The following ZBTB46 variants were observed in gnomAD, a reference collection of about 807,000 sequenced individuals.
ZBTB46 encodes the protein zinc finger and BTB domain-containing protein 46.
Under a neutral mutation model 44.1 loss-of-function variants are expected in ZBTB46, and 8 were observed. The observed-to-expected ratio is 0.18, with a 90% CI of 0.11 to 0.33. The LOEUF is 0.33. Among genes scored for constraint, ZBTB46 ranks in the 10% least tolerant of loss-of-function variants. ZBTB46 has a pLI of 1.00. For synonymous variants in ZBTB46, 409 were observed against 382.3 expected, an observed-to-expected ratio of 1.07 and a Z score of -0.81; for missense variants, 651 against 847.7, an observed-to-expected ratio of 0.77 and a Z score of 2.88.
At chr20:63,812,426 G>A (rs6062536) in intron 1 of ZBTB46, among the ~76,000 whole-genome samples, 34,740 of 150,816 alleles carry the variant, frequency 0.23, 4,078 homozygotes, top group Middle Eastern at 0.33. Flanking sequence ...GGCGAATCAC[G>A]AGGTCAGGAG....
At chr20:63,827,524 C>A (rs1055352039) in intron 1 of ZBTB46, among the ~76,000 whole-genome samples, 2 of 150,138 alleles carry the variant, frequency 1.3e-5, no homozygotes, top group African/African-American at 4.9e-5. Flanking sequence ...AGGAGAATGG[C>A]GTGAACCCGG....
chr20:63,756,557 A>G (rs1445609362), intron 3 of ZBTB46, among the ~76,000 whole-genome samples: 1 of 152,242 alleles, frequency 6.6e-6, no homozygotes, highest in Non-Finnish European at 1.5e-5. Context: ...ATCTGTCCAG[A>G]TTATTTTCAA....
Position 63,775,691 on chromosome 20 carries a change from G to A in ZBTB46, c.1209C>T (p.Ala403=), listed in dbSNP as rs747024289. Residue 403 remains alanine, a synonymous_variant, in exon 3 of 5, where the codon GCC becomes GCT. Transcript: ENST00000245663. ...SLLFEYLPRG[A]HSLSLNEFTV... is the part of the protein sequence containing the mutation. ...GCCTGCACTTACGGGACAGCGAGTGGGCCCCTCTGGGCAGGTACTCGAACA... is the reference window on the plus strand; with the variant it reads ...GCCTGCACTTACGGGACAGCGAGTGAGCCCCTCTGGGCAGGTACTCGAACA... 2.5e-6 allele frequency: 4 copies of A among 1,577,736 alleles called. No homozygotes were observed. Among genetic ancestry groups the A allele is most frequent in the Admixed American group, 3.6e-5 (2 of 55,686 alleles).
At chr20:63,795,963 G>A (rs1308513725) in intron 1 of ZBTB46, among the ~76,000 whole-genome samples, 3 of 152,158 alleles carry the variant, frequency 2.0e-5, no homozygotes, top group Non-Finnish European at 2.9e-5. Flanking sequence ...GTAAACAGGC[G>A]CGCTGCTGTT....
Position 63,803,794 on chromosome 20 carries a change from A to G in ZBTB46, c.-33-13004T>C, listed in dbSNP as rs928402082. ...GCAATCTCGGCTCACTGCAGCCTCA[A>G]CCTCCCAGGCTCAAGGCATCCTCCC... On this transcript the variant is annotated intron_variant, in intron 1 of 4. Coordinates refer to ENST00000245663, the MANE Select transcript of ZBTB46 (RefSeq NM_001369741.1). This position sits in a 1 kb window ranked among gnomAD's most constrained non-coding sequence, Gnocchi z 4.0. 1.2e-4 allele frequency among the ~76,000 whole-genome samples: 18 copies of G among 152,038 alleles called. 1 individual carries two copies. The South Asian group carries it at 1.7e-3, about 14-fold the overall frequency.
chr20:63,820,016 A>T (rs1040133258), intron 1 of ZBTB46, among the ~76,000 whole-genome samples: 1 of 152,252 alleles, frequency 6.6e-6, no homozygotes, highest in Non-Finnish European at 1.5e-5. Flanking sequence ...AGGCAAAAAC[A>T]TGCAAACTCC....
intron 1 of ZBTB46, among the ~76,000 whole-genome samples, chr20:63,792,164 C>T (rs2092566368): frequency 6.6e-6 from 1 of 152,180 alleles, no homozygotes; most frequent in African/African-American, 2.4e-5. Flanking sequence ...GACCCTGTTT[C>T]CAATAAGGTC....
At chr20:63,817,577 G>A (rs180726468) in intron 1 of ZBTB46, among the ~76,000 whole-genome samples, 15 of 151,404 alleles carry the variant, frequency 9.9e-5, no homozygotes, top group East Asian at 3.9e-4. Context: ...TTAGTCAGGC[G>A]TGGTGGCACA....
chr20:63,769,614 A>G (rs942112503), intron 3 of ZBTB46, among the ~76,000 whole-genome samples: 1 of 152,150 alleles, frequency 6.6e-6, no homozygotes, highest in African/African-American at 2.4e-5. Flanking sequence ...CCTAGGAGCC[A>G]AGTGATTCCA....
chr20:63,793,058 C>T (rs561951457), intron 1 of ZBTB46, among the ~76,000 whole-genome samples: 95 of 152,252 alleles, frequency 6.2e-4, no homozygotes, highest in African/African-American at 2.0e-3. Context: ...AGGGCTGTGA[C>T]GGCGGTGACC....
In ZBTB46 at chr20:63,790,299, G is replaced by A; in HGVS notation, c.459C>T (p.Ser153=). 6.2e-7 allele frequency: 1 copy of A among 1,612,794 alleles called. No individual in the cohort carries two copies. The highest frequency in any genetic ancestry group is 1.1e-5 in the South Asian group (1 of 90,986). ...TCACGGCCGAGATGAGAGCTTCCGT[G>A]CTGCTGCTGGACGAGGCGCCGATCT... ...EFEIGASSSS[S]TEALISAVMA... Residue 153 remains serine, a synonymous_variant, in exon 2 of 5, where the codon AGC becomes AGT. Transcript: ENST00000245663.
intron 1 of ZBTB46, among the ~76,000 whole-genome samples, chr20:63,823,477 G>A (rs114716920): frequency 0.019 from 2,812 of 151,714 alleles, 79 homozygotes; most frequent in African/African-American, 0.065. Context: ...CAGCCTTAGC[G>A]ACAGAGTGAG....
chr20:63,814,208 G>A (rs1455495530), intron 1 of ZBTB46, among the ~76,000 whole-genome samples: 4 of 148,948 alleles, frequency 2.7e-5, no homozygotes, highest in African/African-American at 9.9e-5. Flanking sequence ...ACTCCAGCCT[G>A]GGCAACAAAG....
At chr20:63,754,861 A>G (rs2145777412) in intron 3 of ZBTB46, among the ~76,000 whole-genome samples, 1 of 151,746 alleles carries the variant, frequency 6.6e-6, no homozygotes, top group East Asian at 2.0e-4. Flanking sequence ...GGCCTCTCAA[A>G]GTTATGGGAT....
At chr20:63,821,184 C>CTTTT (rs536486903) in intron 1 of ZBTB46, among the ~76,000 whole-genome samples, 49 of 140,040 alleles carry the variant, frequency 3.5e-4, no homozygotes, top group Middle Eastern at 7.6e-3. Context: ...TGCGCCCGGC[C>CTTTT]TTTTTTTTTT....
At chr20:63,786,082 G>C (rs2092512176) in intron 2 of ZBTB46, among the ~76,000 whole-genome samples, 1 of 152,190 alleles carries the variant, frequency 6.6e-6, no homozygotes, top group Non-Finnish European at 1.5e-5. Context: ...AGGTGGCCTG[G>C]GACCACTGGG....
At chr20:63,804,187 C>T (rs540557835) in intron 1 of ZBTB46, among the ~76,000 whole-genome samples, 1 of 152,198 alleles carries the variant, frequency 6.6e-6, no homozygotes, top group African/African-American at 2.4e-5. Flanking sequence ...ATCCCTCCAG[C>T]TCCAGCCAGG....
intron 1 of ZBTB46, among the ~76,000 whole-genome samples, chr20:63,830,051 G>A (rs142058604): frequency 6.6e-6 from 1 of 152,220 alleles, no homozygotes; most frequent in Non-Finnish European, 1.5e-5. Context: ...TTGCAGCACG[G>A]AAAGCGAGAG....
Position 63,752,609 on chromosome 20 carries a change from C to T in ZBTB46, c.1398+77G>A, listed in dbSNP as rs2092179410. On this transcript the variant is annotated intron_variant, in intron 4 of 4. Transcript: ENST00000245663. This position sits in a 1 kb window ranked among gnomAD's most constrained non-coding sequence, Gnocchi z 5.6. ...CCGGTGTGGGGTCCGGGGCGGTCTG[C>T]GCCCTCATCAGGACCCGCCTGCCCG... The T allele has an allele frequency of 7.0e-7, 1 of 1,425,772 alleles. No homozygotes were observed. The highest frequency in any genetic ancestry group is 9.2e-7 in the Non-Finnish European group (1 of 1,086,526). The allele number at this position is 1,425,772 out of a possible 1,614,324, so 88.3% of individuals were successfully genotyped here. A position where few individuals can be genotyped will look rare whatever the true frequency, so the allele number is the denominator to read the frequency against.
Sources: allele counts gnomAD v4.1 joint callset (sites outside exome capture counted in the v4.1 genomes callset), GRCh38; gene constraint gnomAD v4.1.1; non-coding constraint Gnocchi (gnomAD v3.1); transcripts MANE v1.5; gene names NCBI Gene and HGNC (gene_info 2026-07-23, HGNC 2026-07-21).